The following CALCR variants were observed in gnomAD, a reference collection of about 807,000 sequenced individuals.
CALCR encodes the protein calcitonin receptor.
CALCR carries 47 observed loss-of-function variants against 59.5 expected under a neutral mutation model. The ratio of observed to expected loss-of-function variants is 0.79; its 90% CI spans 0.63 to 1.01. The LOEUF is 1.01. Among genes scored for constraint, CALCR ranks in the 50% least tolerant of loss-of-function variants. The pLI is 0.00. For missense variants in CALCR, 566 were observed against 597.1 expected (o/e 0.95, Z 0.54); for synonymous variants, 213 against 211.3 (o/e 1.01, Z -0.07).
chr7:93,545,517 T>C (rs1180682432), intron 2 of CALCR, among the ~76,000 whole-genome samples: 1 of 152,102 alleles, frequency 6.6e-6, no homozygotes, highest in South Asian at 2.1e-4. Flanking sequence ...TGGACTTCGA[T>C]GATATTTTGC....
chr7:93,460,595 A>ATATATGTATATG (rs1554397839), intron 8 of CALCR, among the ~76,000 whole-genome samples: 1 of 77,834 alleles, frequency 1.3e-5, no homozygotes, highest in African/African-American at 5.1e-5. Context: ...ATATATATGT[A>ATATATGTATATG]TATATATATA....
chr7:93,537,416 G>A (rs1789019206), intron 2 of CALCR, among the ~76,000 whole-genome samples: 1 of 151,698 alleles, frequency 6.6e-6, no homozygotes, highest in Non-Finnish European at 1.5e-5. Context: ...GGCTGAAATG[G>A]GAACTGAACT....
At chr7:93,430,913 T>G (rs1295199972) in intron 13 of CALCR, among the ~76,000 whole-genome samples, 1 of 152,254 alleles carries the variant, frequency 6.6e-6, no homozygotes, top group Admixed American at 6.5e-5. Flanking sequence ...GCTGGCTTTC[T>G]TATGTCTCTA....
rs1801433861 is a variant in CALCR, at chr7:93,506,743, C to T, written c.-26-19736G>A. On this transcript the variant is annotated intron_variant, in intron 2 of 13. Coordinates refer to ENST00000426151, the MANE Select transcript of CALCR (RefSeq NM_001742.4). ...ATTTTCCTATGCATGAACTTTTCCT[C>T]TGGGAAGTTGGCTTAATAATCAGGT... is the stretch of plus-strand genomic sequence containing the variant. Among the ~76,000 whole-genome samples the T allele has an allele frequency of 3.3e-5, 5 of 151,530 alleles. No homozygotes were observed. In the South Asian group the frequency reaches 1.0e-3, roughly 31 times the overall value.
chr7:93,521,101 T>G (rs74379204), intron 2 of CALCR, among the ~76,000 whole-genome samples: 4,940 of 152,238 alleles, frequency 0.032, 282 homozygotes, highest in African/African-American at 0.11. Context: ...GTACATCTAA[T>G]GTTATTCAAA....
At chr7:93,541,726 T>TC (rs1335882686) in intron 2 of CALCR, among the ~76,000 whole-genome samples, 2 of 152,176 alleles carry the variant, frequency 1.3e-5, no homozygotes, top group Admixed American at 6.6e-5. Context: ...TTCCATCCTA[T>TC]CCATTTGTCC....
At chr7:93,489,424 C>T (rs10262104) in intron 2 of CALCR, among the ~76,000 whole-genome samples, 87,819 of 151,394 alleles carry the variant, frequency 0.58, 26,817 homozygotes, top group African/African-American at 0.79. Context: ...CAGAGCAGAA[C>T]TGAAGGACAT....
chr7:93,482,436 A>T (rs1016911543), intron 3 of CALCR, among the ~76,000 whole-genome samples: 2 of 151,844 alleles, frequency 1.3e-5, no homozygotes, highest in Non-Finnish European at 2.9e-5. Flanking sequence ...ATGGAACATG[A>T]TGTCATATAT....
At chr7:93,518,508 A>G (rs1801692241) in intron 2 of CALCR, among the ~76,000 whole-genome samples, 1 of 151,928 alleles carries the variant, frequency 6.6e-6, no homozygotes, top group South Asian at 2.1e-4. Flanking sequence ...ACTGTCTTCT[A>G]TTGTCCAGCA....
intron 13 of CALCR, among the ~76,000 whole-genome samples, chr7:93,433,163 C>T (rs1363532458): frequency 2.0e-5 from 3 of 152,020 alleles, no homozygotes; most frequent in African/African-American, 4.8e-5. Flanking sequence ...CACAGAATAG[C>T]AAAATATTGT....
intron 7 of CALCR, among the ~76,000 whole-genome samples, chr7:93,465,651 T>C (rs1052746183): frequency 5.9e-5 from 9 of 151,912 alleles, no homozygotes; most frequent in African/African-American, 1.9e-4. Context: ...TGTCTTTCTC[T>C]AGGAAGAATG....
intron 2 of CALCR, among the ~76,000 whole-genome samples, chr7:93,561,849 G>C (rs1789756505): frequency 6.6e-6 from 1 of 152,106 alleles, no homozygotes; most frequent in South Asian, 2.1e-4. Context: ...CAGGCCCTGG[G>C]TAAAAATGTG....
At chr7:93,544,104 C>T (rs551742258) in intron 2 of CALCR, among the ~76,000 whole-genome samples, 1 of 151,976 alleles carries the variant, frequency 6.6e-6, no homozygotes, top group Middle Eastern at 3.4e-3. Flanking sequence ...GGAATACACT[C>T]TTCCGTTAAG....
At chr7:93,467,235 CTTCTA>C (rs1245528376) in intron 7 of CALCR, among the ~76,000 whole-genome samples, 3 of 151,712 alleles carry the variant, frequency 2.0e-5, no homozygotes, top group South Asian at 2.1e-4. Context: ...TGAAAATACT[CTTCTA>C]TTCTAATTTG....
intron 2 of CALCR, among the ~76,000 whole-genome samples, chr7:93,517,248 G>C (rs1356986204): frequency 1.4e-5 from 2 of 139,536 alleles, no homozygotes; most frequent in African/African-American, 6.1e-5. Context: ...CAGGAAATCT[G>C]AAGTAGTGGA....
At chr7:93,527,154 CT>C (rs1219591354) in intron 2 of CALCR, among the ~76,000 whole-genome samples, 1 of 151,688 alleles carries the variant, frequency 6.6e-6, no homozygotes, top group Non-Finnish European at 1.5e-5. Flanking sequence ...AACATATCTT[CT>C]TTTTTCTCTC....
intron 2 of CALCR, among the ~76,000 whole-genome samples, chr7:93,556,756 T>A (rs1789617454): frequency 6.6e-6 from 1 of 152,084 alleles, no homozygotes; most frequent in African/African-American, 2.4e-5. Context: ...TGCCTCATTC[T>A]TTTGAAATAG....
intron 2 of CALCR, among the ~76,000 whole-genome samples, chr7:93,534,947 C>T (rs575575530): frequency 6.6e-6 from 1 of 151,826 alleles, no homozygotes; most frequent in South Asian, 2.1e-4. Context: ...AGTAGAGAGA[C>T]TGACTCTTAC....
intron 2 of CALCR, among the ~76,000 whole-genome samples, chr7:93,539,257 T>C (rs892654828): frequency 6.6e-6 from 1 of 152,160 alleles, no homozygotes; most frequent in Non-Finnish European, 1.5e-5. Flanking sequence ...CATATGATGA[T>C]CTACATTTAT....
Sources: allele counts gnomAD v4.1 joint callset (sites outside exome capture counted in the v4.1 genomes callset), GRCh38; gene constraint gnomAD v4.1.1; transcripts MANE v1.5; gene names NCBI Gene and HGNC (gene_info 2026-07-23, HGNC 2026-07-21).